The following MAP3K5 variants were observed in gnomAD, a reference collection of about 807,000 sequenced individuals.
The protein encoded by MAP3K5 is mitogen-activated protein kinase kinase kinase 5, also known as ASK-1.
A neutral mutation model predicts 158.7 loss-of-function variants in MAP3K5; 56 were observed. The ratio of observed to expected loss-of-function variants is 0.35; its 90% CI spans 0.28 to 0.44. MAP3K5 has a LOEUF of 0.44. Ranked by LOEUF, MAP3K5 falls within the 20% of genes least tolerant of loss-of-function variation. The pLI is 1.00. For missense variants in MAP3K5, 1,294 were observed against 1,674.8 expected, an observed-to-expected ratio of 0.77 and a Z score of 3.97; for synonymous variants, 579 against 601.7, an observed-to-expected ratio of 0.96 and a Z score of 0.55.
In MAP3K5 at chr6:136,562,655, AG is replaced by A. The variant is rs781462861; in HGVS notation, c.3762-41del. 4.9e-6 allele frequency: 5 copies of A among 1,029,600 alleles called. No individual in the cohort carries two copies. The South Asian group carries it at 7.3e-5, about 15-fold the overall frequency. 63.8% of individuals were successfully genotyped at this position (1,029,600 alleles called of 1,614,324 possible). ...TATATTGTTTGACAGGAGGTGACAC[AG>A]GGTGACCTTCTTTTTTTTATTTTTA... On this transcript the variant is annotated intron_variant, in intron 26 of 29. Transcript: ENST00000359015.
chr6:136,783,297 A>C (rs1321866956), intron 1 of MAP3K5, among the ~76,000 whole-genome samples: 5 of 150,090 alleles, frequency 3.3e-5, no homozygotes, highest in Middle Eastern at 3.4e-3. Flanking sequence ...AAAACCCACA[A>C]CTACACAAAC....
At chr6:136,641,915 G>T (rs576423619) in intron 12 of MAP3K5, among the ~76,000 whole-genome samples, 1 of 151,466 alleles carries the variant, frequency 6.6e-6, no homozygotes, top group African/African-American at 2.4e-5. Flanking sequence ...TTGGACCTGG[G>T]AGGCGGAGGT....
intron 23 of MAP3K5, among the ~76,000 whole-genome samples, chr6:136,586,513 C>T (rs958678141): frequency 3.3e-5 from 5 of 152,188 alleles, no homozygotes; most frequent in African/African-American, 1.2e-4. Context: ...CCAGTCTCTC[C>T]ATGTTAACTC....
At chr6:136,580,458 T>A in intron 24 of MAP3K5, 52 bp from the exon 25 acceptor site, 2 of 1,117,898 alleles carry the variant, frequency 1.8e-6, no homozygotes, top group Non-Finnish European at 2.7e-6. Context: ...GCAAATAGCC[T>A]AGATGATCGA....
intron 21 of MAP3K5, among the ~76,000 whole-genome samples, chr6:136,596,261 A>G (rs1775625937): frequency 3.9e-5 from 6 of 152,190 alleles, no homozygotes; most frequent in Admixed American, 3.9e-4. Flanking sequence ...GTGTCATGGA[A>G]GCCCACACAG....
At chr6:136,637,873 T>A (rs1257384346) in intron 13 of MAP3K5, among the ~76,000 whole-genome samples, 1 of 152,146 alleles carries the variant, frequency 6.6e-6, no homozygotes, top group Non-Finnish European at 1.5e-5. Context: ...CAGGTTATGG[T>A]GTGATAAGAA....
chr6:136,738,328 A>G (rs1782561812), intron 1 of MAP3K5, among the ~76,000 whole-genome samples: 1 of 151,954 alleles, frequency 6.6e-6, no homozygotes, highest in South Asian at 2.1e-4. Flanking sequence ...AGCTCTCTCT[A>G]CTTGAGACCT....
chr6:136,779,311 C>T (rs765883680), intron 1 of MAP3K5, among the ~76,000 whole-genome samples: 2 of 151,444 alleles, frequency 1.3e-5, no homozygotes, highest in African/African-American at 4.8e-5. Context: ...AGTGTGGTGG[C>T]GCATGCTTGT....
chr6:136,614,077 T>A (rs1776457899), intron 16 of MAP3K5, 82 bp downstream of exon 16: 2 of 1,485,264 alleles, frequency 1.3e-6, no homozygotes, highest in South Asian at 1.3e-5. Context: ...TTAAGACCTG[T>A]ACGCTAGTAA....
intron 1 of MAP3K5, among the ~76,000 whole-genome samples, chr6:136,749,264 T>G (rs1426713354): frequency 6.6e-6 from 1 of 151,486 alleles, no homozygotes; most frequent in African/African-American, 2.4e-5. Context: ...TCCCAGCTAC[T>G]CAGGAGGCTG....
At chr6:136,724,463 G>A (rs1286355050) in intron 1 of MAP3K5, among the ~76,000 whole-genome samples, 1 of 152,044 alleles carries the variant, frequency 6.6e-6, no homozygotes, top group Non-Finnish European at 1.5e-5. Flanking sequence ...GGCCAGGCTG[G>A]TCTTGAACTC....
At chr6:136,727,307 T>C (rs1295179916) in intron 1 of MAP3K5, among the ~76,000 whole-genome samples, 1 of 152,242 alleles carries the variant, frequency 6.6e-6, no homozygotes, top group Non-Finnish European at 1.5e-5. Flanking sequence ...TCAGACAGTA[T>C]ATGCTTTTCA....
chr6:136,698,067 T>G (rs1041688764), intron 4 of MAP3K5, among the ~76,000 whole-genome samples: 1 of 152,236 alleles, frequency 6.6e-6, no homozygotes, highest in Non-Finnish European at 1.5e-5. Context: ...GATTTGAACA[T>G]AATATAACCT....
intron 1 of MAP3K5, among the ~76,000 whole-genome samples, chr6:136,738,399 C>T (rs970127523): frequency 1.3e-5 from 2 of 152,052 alleles, no homozygotes; most frequent in Middle Eastern, 3.2e-3. Flanking sequence ...AACAGAAATA[C>T]CCGGCAGAGG....
chr6:136,656,526 A>G, intron 9 of MAP3K5, 66 bp from the exon 10 acceptor site: 1 of 956,222 alleles, frequency 1.0e-6, no homozygotes, highest in Non-Finnish European at 1.6e-6. Flanking sequence ...CATGTATCCC[A>G]GTCTAATTCT....
At chr6:136,673,467 A>G (rs545624641) in intron 7 of MAP3K5, among the ~76,000 whole-genome samples, 1 of 152,200 alleles carries the variant, frequency 6.6e-6, no homozygotes, top group Non-Finnish European at 1.5e-5. Context: ...CAAGGACTTT[A>G]AGATAATTAT....
At chr6:136,705,067 GA>G (rs762263604) in intron 3 of MAP3K5, 42 bp downstream of exon 3, 7 of 963,538 alleles carry the variant, frequency 7.3e-6, no homozygotes, top group Non-Finnish European at 7.7e-6. Context: ...TAATGGAAAA[GA>G]AAATATTTTT....
At chr6:136,711,461 T>A (rs949767596) in intron 2 of MAP3K5, among the ~76,000 whole-genome samples, 1 of 151,960 alleles carries the variant, frequency 6.6e-6, no homozygotes, top group African/African-American at 2.4e-5. Flanking sequence ...GCCCAGGAGT[T>A]TGAGACCAGC....
rs182289682 is a variant in MAP3K5 at position 136,627,912 on chromosome 6, C to G, written c.2017-4931G>C. The stretch of plus-strand genomic sequence containing the variant: ...CACTTGAGCTCTTCGAGACTTGGGA[C>G]TTCATCCTTAATTACTCTATCCCCA... On this transcript the variant is annotated intron_variant, in intron 14 of 29. Transcript: ENST00000359015. Among the ~76,000 whole-genome samples the G allele has an allele frequency of 4.9e-3, 741 of 152,308 alleles. 6 individuals carry two copies. The highest frequency in any genetic ancestry group is 0.017 in the African/African-American group (711 of 41,570).
Sources: allele counts gnomAD v4.1 joint callset (sites outside exome capture counted in the v4.1 genomes callset), GRCh38; gene constraint gnomAD v4.1.1; transcripts MANE v1.5; gene names NCBI Gene and HGNC (gene_info 2026-07-23, HGNC 2026-07-21).